Variants in BIRC6 observed in about 807,000 individuals in gnomAD.
BIRC6 encodes the protein baculoviral IAP repeat containing 6, also known as dual E2 ubiquitin-conjugating enzyme/E3 ubiquitin-protein ligase BIRC6.
In BIRC6, 98 loss-of-function variants were observed where a neutral mutation model predicts 503.3. The ratio of observed to expected loss-of-function variants is 0.19; its 90% CI spans 0.17 to 0.23. The LOEUF is 0.23. Among genes scored for constraint, BIRC6 ranks in the 10% least tolerant of loss-of-function variants. The pLI is 1.00. For missense variants in BIRC6, 5,360 were observed against 5,806.0 expected, an observed-to-expected ratio of 0.92 and a Z score of 2.50; for synonymous variants, 2,240 against 2,078.7, an observed-to-expected ratio of 1.08 and a Z score of -2.11.
rs543716099 is a variant in BIRC6, at chr2:32,373,477, T to TG, written c.326-4106dup. On this transcript the variant is annotated intron_variant, in intron 1 of 73. Transcript: ENST00000421745. ...CAGCAAGGAGGCCAAGACCATTCAT[T>TG]GGGGGAAGCGACAATCTTTTCAACA... Among the ~76,000 whole-genome samples, 602 of 152,294 alleles carry TG rather than the reference T, an allele frequency of 4.0e-3. 3 individuals are homozygous for TG. The highest frequency in any genetic ancestry group is 0.014 in the African/African-American group (571 of 41,572).
intron 23 of BIRC6, among the ~76,000 whole-genome samples, chr2:32,454,412 A>G (rs539520819): frequency 4.6e-5 from 7 of 152,226 alleles, no homozygotes; most frequent in Admixed American, 3.9e-4. Flanking sequence ...AAATACCTTC[A>G]CTTAAAAATT....
intron 10 of BIRC6, among the ~76,000 whole-genome samples, chr2:32,419,750 A>G (rs570343117): frequency 6.6e-6 from 1 of 152,250 alleles, no homozygotes; most frequent in Non-Finnish European, 1.5e-5. Context: ...ACTGATATTC[A>G]GAAGGAGGAT....
intron 66 of BIRC6, among the ~76,000 whole-genome samples, chr2:32,582,315 C>A (rs1291571830): frequency 6.6e-6 from 1 of 152,064 alleles, no homozygotes; most frequent in East Asian, 1.9e-4. Context: ...AGTTCAAGAC[C>A]AGCCTGGGCA....
chr2:32,371,574 G>A (rs62136268), intron 1 of BIRC6, among the ~76,000 whole-genome samples: 2,923 of 152,014 alleles, frequency 0.019, 56 homozygotes, highest in Non-Finnish European at 0.029. Context: ...AAAATACAGG[G>A]GTTTCACTGT....
intron 1 of BIRC6, among the ~76,000 whole-genome samples, chr2:32,363,503 T>C (rs1246129710): frequency 6.6e-6 from 1 of 152,180 alleles, no homozygotes; most frequent in Non-Finnish European, 1.5e-5. Context: ...GAGTAAGATA[T>C]TGTTAAGGTG....
chr2:32,472,321 G>A (rs553039572), intron 32 of BIRC6, among the ~76,000 whole-genome samples: 5 of 152,194 alleles, frequency 3.3e-5, no homozygotes, highest in Middle Eastern at 6.8e-3. Context: ...CACCCGCCTC[G>A]GCCTCCCAGA....
At chr2:32,540,210 C>T (rs78316182) in intron 61 of BIRC6, among the ~76,000 whole-genome samples, 3,785 of 152,100 alleles carry the variant, frequency 0.025, 68 homozygotes, top group African/African-American at 0.06. Flanking sequence ...TCCCATGTTT[C>T]TCCAATTTAA....
intron 13 of BIRC6, 83 bp downstream of exon 13, chr2:32,433,887 C>G (rs572886763): frequency 8.3e-7 from 1 of 1,202,014 alleles, no homozygotes; most frequent in African/African-American, 1.5e-5. Context: ...GGCTAAGTTT[C>G]GTGTCCCTTT....
chr2:32,473,879 G>C (rs1442084409), intron 33 of BIRC6, among the ~76,000 whole-genome samples: 1 of 150,664 alleles, frequency 6.6e-6, no homozygotes, highest in Non-Finnish European at 1.5e-5. Flanking sequence ...TTAGCTTTCC[G>C]AGTAGCTGGG....
intron 61 of BIRC6, 144 bp downstream of exon 61, chr2:32,531,695 A>G (rs548470811): frequency 3.2e-5 from 24 of 746,042 alleles, no homozygotes; most frequent in African/African-American, 2.0e-4. Context: ...AACTCTTTCA[A>G]TGGTCAGTCT....
At chr2:32,369,945 AATATATATATATATAT>A (rs67839399) in intron 1 of BIRC6, among the ~76,000 whole-genome samples, 3 of 44,224 alleles carry the variant, frequency 6.8e-5, no homozygotes, top group African/African-American at 1.3e-4. Flanking sequence ...AAAAAAAAAA[AATATATATATATATAT>A]ATATATATAT....
chr2:32,417,662 A>C (rs2042520930), intron 10 of BIRC6, among the ~76,000 whole-genome samples: 1 of 152,210 alleles, frequency 6.6e-6, no homozygotes, highest in Admixed American at 6.5e-5. Flanking sequence ...TTCTGATAGT[A>C]ATTAGACTGT....
Position 32,508,279 on chromosome 2 carries a change from T to A in BIRC6, c.9980+20T>A. The A allele has an allele frequency of 4.1e-6, 2 of 485,742 alleles. No homozygotes were observed. Among genetic ancestry groups the A allele is most frequent in the Non-Finnish European group, 5.4e-6 (2 of 373,086 alleles). The allele number at this position is 485,742 out of a possible 1,614,324, so 30.1% of individuals were successfully genotyped here. ...AACAAGGTATGTTTTGTTTGTCCTT[T>A]TTTTTTTTTTTTTTTTTTTTTTTTG... On this transcript the variant is annotated intron_variant, in intron 51 of 73. Coordinates refer to ENST00000421745, the MANE Select transcript of BIRC6 (RefSeq NM_016252.4).
At chr2:32,542,698 A>G (rs930124140) in intron 61 of BIRC6, among the ~76,000 whole-genome samples, 1 of 152,250 alleles carries the variant, frequency 6.6e-6, no homozygotes, top group Non-Finnish European at 1.5e-5. Flanking sequence ...CTGCATATAG[A>G]TACTTAACTA....
intron 66 of BIRC6, among the ~76,000 whole-genome samples, chr2:32,576,434 G>T (rs76895459): frequency 6.6e-6 from 1 of 152,276 alleles, no homozygotes; most frequent in African/African-American, 2.4e-5. Context: ...GGCAGAATCT[G>T]TTCAGTGGTT....
At chr2:32,384,449 C>A (rs2038153162) in intron 3 of BIRC6, among the ~76,000 whole-genome samples, 1 of 151,236 alleles carries the variant, frequency 6.6e-6, no homozygotes, top group Non-Finnish European at 1.5e-5. Flanking sequence ...CCATGACATT[C>A]TGTCAGTCCA....
chr2:32,581,816 G>T (rs2060693576), intron 66 of BIRC6, among the ~76,000 whole-genome samples: 1 of 152,116 alleles, frequency 6.6e-6, no homozygotes, highest in Admixed American at 6.5e-5. Flanking sequence ...ATTCATACAT[G>T]TAAAATTGTG....
chr2:32,533,785 C>T (rs981837036), intron 61 of BIRC6, among the ~76,000 whole-genome samples: 1 of 152,180 alleles, frequency 6.6e-6, no homozygotes, highest in Non-Finnish European at 1.5e-5. Context: ...CTGTTATTTC[C>T]TAAGAGCCTC....
intron 10 of BIRC6, among the ~76,000 whole-genome samples, chr2:32,421,762 G>C (rs1340647406): frequency 6.6e-6 from 1 of 152,190 alleles, no homozygotes. Context: ...CATCTGGTCT[G>C]TCCTGGAGAA....
Sources: gnomAD v4.1 joint callset for allele counts (sites outside exome capture counted in the v4.1 genomes callset) on GRCh38, gnomAD v4.1.1 for gene constraint, MANE v1.5 for transcripts, NCBI Gene and HGNC (gene_info 2026-07-23, HGNC 2026-07-21) for gene names.